Variants in SLC38A12 observed in about 807,000 individuals in gnomAD.
The protein encoded by SLC38A12 is putative sodium-coupled neutral amino acid transporter 12.
chr17:74,785,628 A>G, the SLC38A12 span: 1 of 1,610,116 alleles, frequency 6.2e-7, no homozygotes, highest in Non-Finnish European at 8.5e-7. Context: ...GGACTTCCCC[A>G]CAGGGGCCAG....
chr17:74,814,952 G>A, the SLC38A12 span, among the ~76,000 whole-genome samples: 1 of 152,182 alleles, frequency 6.6e-6, no homozygotes, highest in Non-Finnish European at 1.5e-5. Flanking sequence ...GAGCCCCCAG[G>A]GAGGATTAAA....
At chr17:74,810,932 G>A in the SLC38A12 span, among the ~76,000 whole-genome samples, 3 of 152,302 alleles carry the variant, frequency 2.0e-5, no homozygotes, top group South Asian at 2.1e-4. Flanking sequence ...GACGTCTTCC[G>A]CATGGTGAAT....
the SLC38A12 span, among the ~76,000 whole-genome samples, chr17:74,834,574 C>T: frequency 6.6e-6 from 1 of 152,188 alleles, no homozygotes; most frequent in East Asian, 1.9e-4. Context: ...TTCCAGGAGT[C>T]AGGGAGTGGG....
the SLC38A12 span, among the ~76,000 whole-genome samples, chr17:74,807,632 T>C: frequency 6.6e-6 from 1 of 152,192 alleles, no homozygotes; most frequent in Non-Finnish European, 1.5e-5. Context: ...AGCACTTCTG[T>C]CTTTGGGGGG....
the SLC38A12 span, among the ~76,000 whole-genome samples, chr17:74,822,641 A>G: frequency 0.011 from 1,655 of 152,348 alleles, 26 homozygotes; most frequent in African/African-American, 0.038. Flanking sequence ...TTTTTTCTCC[A>G]TGAGAGACTC....
the SLC38A12 span, chr17:74,785,415 C>T: frequency 6.4e-7 from 1 of 1,574,324 alleles, no homozygotes; most frequent in Non-Finnish European, 8.7e-7. Context: ...AGGGTCGTTC[C>T]TTGGGAGCTG....
the SLC38A12 span, chr17:74,777,664 A>T: frequency 3.0e-6 from 4 of 1,335,684 alleles, no homozygotes; most frequent in Non-Finnish European, 3.9e-6. Context: ...TCACGCCTGT[A>T]ATCCCAGCAC....
chr17:74,803,740 G>A, the SLC38A12 span, among the ~76,000 whole-genome samples: 18 of 152,214 alleles, frequency 1.2e-4, no homozygotes, highest in South Asian at 3.3e-3. Context: ...GCTGAGCCCC[G>A]GGCAGACTCC....
chr17:74,803,515 G>A, the SLC38A12 span, among the ~76,000 whole-genome samples: 1 of 152,166 alleles, frequency 6.6e-6, no homozygotes, highest in Non-Finnish European at 1.5e-5. Flanking sequence ...CATCCCTGCT[G>A]GGGACCTTCT....
At chr17:74,790,881 G>A in the SLC38A12 span, 1 of 1,365,408 alleles carries the variant, frequency 7.3e-7, no homozygotes, top group Non-Finnish European at 1.0e-6. Flanking sequence ...AGATAATTCA[G>A]TGAGGTCCTC....
chr17:74,791,151 G>GCTCTACCACCTGCTCT, the SLC38A12 span: 4 of 913,130 alleles, frequency 4.4e-6, no homozygotes, highest in Non-Finnish European at 6.8e-6. Context: ...GGGCAGAGCA[G>GCTCTACCACCTGCTCT]GTGGTAGAGC....
the SLC38A12 span, among the ~76,000 whole-genome samples, chr17:74,835,579 T>C: frequency 6.6e-6 from 1 of 152,176 alleles, no homozygotes; most frequent in African/African-American, 2.4e-5. Context: ...GGGGGTCTGA[T>C]GAGGGAGCCA....
chr17:74,831,710 G>A, the SLC38A12 span, among the ~76,000 whole-genome samples: 7 of 152,194 alleles, frequency 4.6e-5, no homozygotes, highest in Non-Finnish European at 7.3e-5. Context: ...GCTGGGGGCC[G>A]ACCCCCCTGC....
chr17:74,815,352 G>A, the SLC38A12 span, among the ~76,000 whole-genome samples: 1 of 152,214 alleles, frequency 6.6e-6, no homozygotes, highest in African/African-American at 2.4e-5. Context: ...GGGATTGGCT[G>A]TGACAGATCT....
the SLC38A12 span, among the ~76,000 whole-genome samples, chr17:74,834,891 G>C: frequency 2.0e-5 from 3 of 152,236 alleles, no homozygotes; most frequent in Non-Finnish European, 4.4e-5. Context: ...CCACGGTTCT[G>C]GGTAGCCCGG....
chr17:74,785,624 C>A, the SLC38A12 span: 23 of 1,610,376 alleles, frequency 1.4e-5, no homozygotes, highest in Non-Finnish European at 1.8e-5. Flanking sequence ...GCGGGGACTT[C>A]CCCACAGGGG....
chr17:74,839,413 G>A, the SLC38A12 span: 21 of 345,094 alleles, frequency 6.1e-5, no homozygotes, highest in East Asian at 1.7e-4. Context: ...AAGTGGAAGC[G>A]TCCTGTCTGG....
the SLC38A12 span, among the ~76,000 whole-genome samples, chr17:74,805,405 C>T: frequency 3.3e-4 from 50 of 152,282 alleles, no homozygotes; most frequent in East Asian, 8.3e-3. This position sits in a 1 kb window ranked among gnomAD's most constrained non-coding sequence, Gnocchi z 5.0. Flanking sequence ...ATGTCCCTAG[C>T]GGGTGGTGCT....
the SLC38A12 span, among the ~76,000 whole-genome samples, chr17:74,834,850 A>T: frequency 1.3e-5 from 2 of 152,210 alleles, no homozygotes; most frequent in African/African-American, 4.8e-5. Flanking sequence ...ACAGACACGG[A>T]CACTGGTGGT....
Sources: allele counts gnomAD v4.1 joint callset (sites outside exome capture counted in the v4.1 genomes callset), GRCh38; gene constraint gnomAD v4.1.1; non-coding constraint Gnocchi (gnomAD v3.1); transcripts MANE v1.5; gene names NCBI Gene and HGNC (gene_info 2026-07-23, HGNC 2026-07-21).